KIAA1549L: variants seen among roughly 807,000 people sequenced by gnomAD.
KIAA1549L encodes KIAA1549 like.
KIAA1549L carries 88 observed loss-of-function variants against 160.7 expected under a neutral mutation model. The observed-to-expected ratio is 0.55, with a 90% CI of 0.46 to 0.65. The LOEUF (loss-of-function observed/expected upper bound fraction) is 0.65, where lower values mean the gene tolerates loss of function less well. KIAA1549L is among the 30% of genes least tolerant of loss of function. The pLI is 0.00. For synonymous variants in KIAA1549L, 950 were observed against 976.7 expected (o/e 0.97, Z 0.51); for missense variants, 2,258 against 2,437.5 (o/e 0.93, Z 1.55).
chr11:33,459,683 C>T (rs540636080), intron 1 of KIAA1549L, among the ~76,000 whole-genome samples: 37 of 152,092 alleles, frequency 2.4e-4, no homozygotes, highest in Middle Eastern at 3.4e-3. Flanking sequence ...TTCATCGGGC[C>T]GGGCGCGGTG....
At chr11:33,382,511 CAG>C (rs1286535923) in intron 1 of KIAA1549L, among the ~76,000 whole-genome samples, 1 of 151,928 alleles carries the variant, frequency 6.6e-6, no homozygotes, top group South Asian at 2.1e-4. Context: ...TAGAGAAAAG[CAG>C]AGTCATGGGG....
intron 1 of KIAA1549L, among the ~76,000 whole-genome samples, chr11:33,432,223 A>G (rs892997771): frequency 3.9e-5 from 6 of 152,218 alleles, no homozygotes; most frequent in African/African-American, 1.2e-4. Context: ...GTGCTCCTCA[A>G]GTGCCGCCAA....
At chr11:33,663,425 A>G (rs1852331549) in intron 20 of KIAA1549L, among the ~76,000 whole-genome samples, 2 of 152,148 alleles carry the variant, frequency 1.3e-5, no homozygotes, top group Non-Finnish European at 2.9e-5. Context: ...GCCTGCATCT[A>G]CTATAAGGGA....
At chr11:33,482,631 G>T (rs937756629) in intron 1 of KIAA1549L, among the ~76,000 whole-genome samples, 1 of 144,988 alleles carries the variant, frequency 6.9e-6, no homozygotes, top group Admixed American at 7.1e-5. Flanking sequence ...GCGGTGGCAT[G>T]ATCTTGGCCC....
intron 1 of KIAA1549L, among the ~76,000 whole-genome samples, chr11:33,425,387 T>G (rs1406244931): frequency 6.6e-6 from 1 of 152,222 alleles, no homozygotes; most frequent in Non-Finnish European, 1.5e-5. Flanking sequence ...AATGTTCCTG[T>G]GTCACTGTGA....
At chr11:33,577,366 T>C (rs948755163) in intron 10 of KIAA1549L, among the ~76,000 whole-genome samples, 8 of 152,082 alleles carry the variant, frequency 5.3e-5, no homozygotes, top group African/African-American at 1.7e-4. Context: ...AAACAAAAGC[T>C]AGAAAGCTTG....
At chr11:33,465,382 G>A (rs2615917) in intron 1 of KIAA1549L, among the ~76,000 whole-genome samples, 45,889 of 151,638 alleles carry the variant, frequency 0.3, 7,423 homozygotes, top group African/African-American at 0.42. Flanking sequence ...TTCCTTCACC[G>A]TCACCTCTTA....
chr11:33,636,515 G>C (rs762684827), intron 16 of KIAA1549L, among the ~76,000 whole-genome samples: 2 of 151,910 alleles, frequency 1.3e-5, no homozygotes, highest in African/African-American at 4.8e-5. Flanking sequence ...CTTTTTAATA[G>C]AGATGGGGTT....
intron 1 of KIAA1549L, among the ~76,000 whole-genome samples, chr11:33,420,525 C>G (rs923599990): frequency 1.3e-5 from 2 of 152,082 alleles, no homozygotes; most frequent in Admixed American, 1.3e-4. Context: ...CTGTGCCCAG[C>G]CAGAACTATT....
rs146688876 is a variant in KIAA1549L at position 33,645,424 on chromosome 11, T to TA, written c.5410-261dup. 3.5e-3 allele frequency among the ~76,000 whole-genome samples: 526 copies of TA among 152,286 alleles called. 7 individuals carry two copies. The highest frequency in any genetic ancestry group is 0.012 in the African/African-American group (511 of 41,552). ...GGTGAAAGCCATTTCTCGAGTCTGTTACACTAACAGGCAGAGCCTGCAGCA... is the reference window on the plus strand; with the variant it reads ...GGTGAAAGCCATTTCTCGAGTCTGTTAACACTAACAGGCAGAGCCTGCAGCA... On this transcript the variant is annotated intron_variant, in intron 16 of 20. Transcript: ENST00000658780.
chr11:33,522,359 A>G (rs1191595676), intron 1 of KIAA1549L, among the ~76,000 whole-genome samples: 1 of 152,226 alleles, frequency 6.6e-6, no homozygotes, highest in Non-Finnish European at 1.5e-5. Context: ...GTCATCGAAT[A>G]TGGAATTAAG....
intron 1 of KIAA1549L, among the ~76,000 whole-genome samples, chr11:33,439,298 A>G (rs1851444603): frequency 6.6e-6 from 1 of 152,194 alleles, no homozygotes. Context: ...TTACTTATTA[A>G]TGGAGTACAT....
chr11:33,598,994 T>C, intron 13 of KIAA1549L, 47 bp downstream of exon 13: 1 of 1,606,272 alleles, frequency 6.2e-7, no homozygotes, highest in East Asian at 2.2e-5. Context: ...CTCCCACGCG[T>C]GCCCGCACAC....
chr11:33,572,303 C>T (rs1274153666), intron 9 of KIAA1549L, among the ~76,000 whole-genome samples: 2 of 152,208 alleles, frequency 1.3e-5, no homozygotes, highest in African/African-American at 4.8e-5. Context: ...TCTGAAAGTG[C>T]TGGGATTACA....
intron 16 of KIAA1549L, among the ~76,000 whole-genome samples, chr11:33,640,010 ATACT>A (rs1271288669): frequency 1.2e-4 from 18 of 152,200 alleles, no homozygotes; most frequent in African/African-American, 3.9e-4. Context: ...ATTGATGGAG[ATACT>A]TACTTACAAT....
intron 20 of KIAA1549L, among the ~76,000 whole-genome samples, 164 bp from the exon 21 acceptor site, chr11:33,667,709 T>A (rs1341441762): frequency 1.3e-5 from 2 of 152,194 alleles, no homozygotes; most frequent in African/African-American, 4.8e-5. Flanking sequence ...CTAAACAAAC[T>A]GACTCTGAGT....
intron 1 of KIAA1549L, among the ~76,000 whole-genome samples, chr11:33,500,252 C>T (rs931669714): frequency 2.6e-5 from 4 of 152,116 alleles, no homozygotes; most frequent in East Asian, 1.9e-4. Context: ...GTTTCAAGAT[C>T]GAGTCAGGAT....
At chr11:33,572,592 T>C (rs1855300802) in intron 9 of KIAA1549L, among the ~76,000 whole-genome samples, 1 of 152,194 alleles carries the variant, frequency 6.6e-6, no homozygotes, top group South Asian at 2.1e-4. Flanking sequence ...TTTGACACAG[T>C]GTATTGTTTT....
chr11:33,556,638 T>C (rs1286835658), intron 6 of KIAA1549L, among the ~76,000 whole-genome samples: 1 of 152,184 alleles, frequency 6.6e-6, no homozygotes, highest in African/African-American at 2.4e-5. Context: ...ATAAAAGATA[T>C]CTAGAGTTGT....
Sources: gnomAD v4.1 joint callset for allele counts (sites outside exome capture counted in the v4.1 genomes callset) on GRCh38, gnomAD v4.1.1 for gene constraint, MANE v1.5 for transcripts, NCBI Gene and HGNC (gene_info 2026-07-23, HGNC 2026-07-21) for gene names.